DYRK1A: variants seen among roughly 807,000 people sequenced by gnomAD.
DYRK1A encodes the protein dual specificity tyrosine phosphorylation regulated kinase 1A, also known as dual specificity tyrosine-phosphorylation-regulated kinase 1A.
In DYRK1A, 9 loss-of-function variants were observed where a neutral mutation model predicts 79.7. The observed-to-expected ratio is 0.11, with a 90% confidence interval of 0.07 to 0.20. The LOEUF is 0.20. Ranked by LOEUF, DYRK1A falls within the 10% of genes least tolerant of loss-of-function variation. The pLI, the probability that DYRK1A is intolerant of heterozygous loss-of-function variation, is 1.00. For missense variants in DYRK1A, 622 were observed against 956.0 expected (o/e 0.65, Z 4.61); for synonymous variants, 349 against 329.7 (o/e 1.06, Z -0.63).
At chr21:37,370,405 C>T (rs1320555428) in intron 1 of DYRK1A, among the ~76,000 whole-genome samples, 1 of 151,492 alleles carries the variant, frequency 6.6e-6, no homozygotes, top group East Asian at 1.9e-4. Context: ...ATAGAATTAA[C>T]TGTATTATAG....
intron 1 of DYRK1A, among the ~76,000 whole-genome samples, chr21:37,398,627 C>G (rs1289718684): frequency 6.6e-6 from 1 of 152,170 alleles, no homozygotes; most frequent in Non-Finnish European, 1.5e-5. Context: ...CAACTTGATG[C>G]CTTTGGTGTC....
chr21:37,439,765 A>G (rs1355550584), intron 2 of DYRK1A, among the ~76,000 whole-genome samples: 1 of 152,178 alleles, frequency 6.6e-6, no homozygotes, highest in African/African-American at 2.4e-5. Flanking sequence ...TGGGAAAGAT[A>G]CCTTCTATTT....
chr21:37,375,292 T>C (rs2049514660), intron 1 of DYRK1A, among the ~76,000 whole-genome samples: 1 of 152,218 alleles, frequency 6.6e-6, no homozygotes, highest in Non-Finnish European at 1.5e-5. Context: ...TTTGTTAGTA[T>C]CAGCACTATT....
chr21:37,403,663 ATGTG>A (rs761056038), intron 1 of DYRK1A, among the ~76,000 whole-genome samples: 4,151 of 121,468 alleles, frequency 0.034, 87 homozygotes, highest in Middle Eastern at 0.079. Context: ...ATATATATAT[ATGTG>A]TGTGTGTGTG....
intron 1 of DYRK1A, among the ~76,000 whole-genome samples, chr21:37,398,172 A>G (rs1232899845): frequency 6.6e-6 from 1 of 150,578 alleles, no homozygotes; most frequent in East Asian, 1.9e-4. Flanking sequence ...GTACACACAC[A>G]CACATACACA....
In DYRK1A at chr21:37,495,809, A is replaced by T. The variant is rs8134408; in HGVS notation, c.1072-309A>T. On this transcript the variant is annotated intron_variant, in intron 8 of 11. Coordinates refer to ENST00000647188, the MANE Select transcript of DYRK1A (RefSeq NM_001347721.2). ...TCTCAAAAATAAGTAAATAAAAAAAATTTTTTTAATAAAATTCTCCCAAAA... is the reference window on the plus strand; with the variant it reads ...TCTCAAAAATAAGTAAATAAAAAAATTTTTTTTAATAAAATTCTCCCAAAA... 0.28 allele frequency among the ~76,000 whole-genome samples: 42,913 copies of T among 151,846 alleles called. 6,269 individuals are homozygous for T. The highest frequency in any genetic ancestry group is 0.4 in the South Asian group (1,904 of 4,802).
chr21:37,416,515 A>G (rs969046200), intron 1 of DYRK1A, among the ~76,000 whole-genome samples: 6 of 151,468 alleles, frequency 4.0e-5, no homozygotes, highest in African/African-American at 7.3e-5. Flanking sequence ...TGATACTTCT[A>G]TTTTCCCTTT....
chr21:37,369,567 CTT>C (rs2049388842), intron 1 of DYRK1A, among the ~76,000 whole-genome samples: 1 of 152,238 alleles, frequency 6.6e-6, no homozygotes, highest in African/African-American at 2.4e-5. Flanking sequence ...ACCTAGTTCT[CTT>C]GTTAAGACTA....
At chr21:37,408,412 C>T (rs1342566497) in intron 1 of DYRK1A, among the ~76,000 whole-genome samples, 1 of 152,214 alleles carries the variant, frequency 6.6e-6, no homozygotes, top group Non-Finnish European at 1.5e-5. Flanking sequence ...CAGCAGTACT[C>T]AGTGTTTTGC....
chr21:37,426,363 C>T (rs1013077227), intron 2 of DYRK1A, among the ~76,000 whole-genome samples: 3 of 151,668 alleles, frequency 2.0e-5, no homozygotes, highest in Non-Finnish European at 2.9e-5. Flanking sequence ...CATAAGGAGC[C>T]GAATATTATT....
At position 37,512,080 on chromosome 21, in the gene DYRK1A, A is replaced by G; in HGVS notation, c.1814A>G (p.His605Arg). ...TCCCATCACCATCACCACCACCACC[A>G]CCATCACCACCACCATGGACAACAA... is the stretch of plus-strand genomic sequence containing the variant. Reference protein sequence around the residue: ...NSSHHHHHHHHHHHHHGQQAL... With the variant: ...NSSHHHHHHHRHHHHHGQQAL... The change falls in exon 12 of 12, where the codon CAC becomes CGC. Residue 605 changes from histidine (H) to arginine (R), a missense_variant. By Grantham distance (29) the His-to-Arg change is conservative. Transcript: ENST00000647188. 1 of 1,613,940 alleles carries G rather than the reference A, an allele frequency of 6.2e-7. No individual in the cohort carries two copies. Among genetic ancestry groups the G allele is most frequent in the South Asian group, 1.1e-5 (1 of 91,066 alleles).
chr21:37,512,149 C>G lies in DYRK1A; in HGVS notation c.1883C>G (p.Thr628Arg). The G allele has an allele frequency of 1.2e-6, 2 of 1,614,208 alleles. No homozygotes were observed. The highest frequency in any genetic ancestry group is 8.5e-7 in the Non-Finnish European group (1 of 1,180,046). Residue 628 changes from threonine to arginine, a missense_variant, in exon 12 of 12, where the codon ACG becomes AGG. Coordinates refer to ENST00000647188, the MANE Select transcript of DYRK1A (RefSeq NM_001347721.2). ...RTRPRVYNSPTNSSSTQDSME... is the reference protein window; with the variant it reads ...RTRPRVYNSPRNSSSTQDSME... ...AGGCCAAGGGTCTACAATTCTCCAA[C>G]GAATAGCTCCTCTACCCAAGATTCT...
At chr21:37,393,167 C>G (rs2049901989) in intron 1 of DYRK1A, among the ~76,000 whole-genome samples, 1 of 152,206 alleles carries the variant, frequency 6.6e-6, no homozygotes, top group African/African-American at 2.4e-5. Context: ...CTGTCTCTTT[C>G]TGGTATCCAG....
intron 1 of DYRK1A, among the ~76,000 whole-genome samples, chr21:37,407,008 A>G (rs1181890128): frequency 6.7e-6 from 1 of 149,514 alleles, no homozygotes; most frequent in Non-Finnish European, 1.5e-5. Context: ...CTCCAGGCCC[A>G]TTGCCCTGAC....
At chr21:37,453,365 A>G (rs2051523813) in intron 2 of DYRK1A, among the ~76,000 whole-genome samples, 1 of 152,220 alleles carries the variant, frequency 6.6e-6, no homozygotes, top group Non-Finnish European at 1.5e-5. Context: ...TCTAGAATAT[A>G]GTAGGGGCTC....
chr21:37,417,747 T>TA (rs1296689819), intron 1 of DYRK1A, among the ~76,000 whole-genome samples: 4 of 151,182 alleles, frequency 2.6e-5, no homozygotes, highest in Admixed American at 6.6e-5. Flanking sequence ...TTAAGACAAC[T>TA]AAAAAAAATG....
rs535334600 is a variant in DYRK1A at position 37,498,378 on chromosome 21, C to G, written c.1212+2120C>G. On this transcript the variant is annotated intron_variant, in intron 9 of 11. Transcript: ENST00000647188. ...ACCTTTTCTGTTATCCCACTACTTT[C>G]TGATTTCTATCATCAAAGACTAGCT... Among the ~76,000 whole-genome samples, 12 of 152,292 alleles carry G rather than the reference C, an allele frequency of 7.9e-5. No individual in the cohort carries two copies. In the South Asian group the frequency reaches 2.5e-3, roughly 32 times the overall value.
chr21:37,473,508 GT>G (rs1339415010), intron 3 of DYRK1A, among the ~76,000 whole-genome samples: 1 of 152,130 alleles, frequency 6.6e-6, no homozygotes, highest in Non-Finnish European at 1.5e-5. Flanking sequence ...TCTACGTTGA[GT>G]TTTGGTTTGG....
chr21:37,516,484 G>A lies in DYRK1A; in HGVS notation c.*3953G>A, dbSNP rs991784870. On this transcript the variant is annotated 3_prime_UTR_variant, in exon 12 of 12. Coordinates refer to ENST00000647188, the MANE Select transcript of DYRK1A (RefSeq NM_001347721.2). ...AAGTAATTTGTAGTACAAAGAACAA[G>A]AGAAGAAACCCTAAGAAGATAGCTT... is the stretch of plus-strand genomic sequence containing the variant. The A allele has an allele frequency of 2.0e-5, 3 of 152,136 alleles. No individual in the cohort carries two copies. Among genetic ancestry groups the A allele is most frequent in the Non-Finnish European group, 4.4e-5 (3 of 68,012 alleles). 9.4% of individuals were successfully genotyped at this position (152,136 alleles called of 1,614,324 possible).
Sources: allele counts gnomAD v4.1 joint callset (sites outside exome capture counted in the v4.1 genomes callset), GRCh38; gene constraint gnomAD v4.1.1; transcripts MANE v1.5; gene names NCBI Gene and HGNC (gene_info 2026-07-23, HGNC 2026-07-21).